Variants in SKOR2 observed in about 807,000 individuals in gnomAD.
SKOR2 encodes SKI family transcriptional corepressor 2, also known as LBX1 corepressor 1-like protein.
Under a neutral mutation model 69.1 loss-of-function variants are expected in SKOR2, and 47 were observed. The observed-to-expected ratio is 0.68, with a 90% confidence interval of 0.54 to 0.87. The LOEUF (loss-of-function observed/expected upper bound fraction) is 0.87, where lower values mean the gene tolerates loss of function less well. Among genes scored for constraint, SKOR2 ranks in the 40% least tolerant of loss-of-function variants. SKOR2 has a pLI of 0.00. For synonymous variants in SKOR2, 717 were observed against 672.6 expected, an observed-to-expected ratio of 1.07 and a Z score of -1.02; for missense variants, 1,404 against 1,472.2, an observed-to-expected ratio of 0.95 and a Z score of 0.76.
chr18:47,207,744 T>A (rs1166479311), intron 8 of SKOR2, among the ~76,000 whole-genome samples: 1 of 152,210 alleles, frequency 6.6e-6, no homozygotes, highest in Non-Finnish European at 1.5e-5. Context: ...ATATCCTTTT[T>A]TAAAAGACTC....
intron 1 of SKOR2, among the ~76,000 whole-genome samples, chr18:47,250,654 C>T (rs1249754723): frequency 2.0e-5 from 3 of 152,216 alleles, no homozygotes; most frequent in African/African-American, 7.2e-5. Flanking sequence ...ATCTATACAG[C>T]AGCCTCTGTC....
intron 8 of SKOR2, among the ~76,000 whole-genome samples, chr18:47,207,860 C>T (rs1379008135): frequency 6.6e-6 from 1 of 152,124 alleles, no homozygotes; most frequent in Non-Finnish European, 1.5e-5. Flanking sequence ...TCCAGACTCT[C>T]CAGAAAGATG....
rs1208076014 is a variant in SKOR2 at position 47,247,375 on chromosome 18, G to A, written c.1809C>T (p.His603=). Residue 603 remains histidine (H), a synonymous_variant, in exon 2 of 9, where the codon CAC becomes CAT. Coordinates refer to ENST00000425639, the MANE Select transcript of SKOR2 (RefSeq NM_001278063.4). This position sits in a 1 kb window ranked among gnomAD's most constrained non-coding sequence, Gnocchi z 6.6. ...TGCGCCCCTCCAGAAGGTGCGGATG[G>A]TGGGGCGCCGGAACCCGGGAGCCCG... The part of the protein sequence containing the change: ...GPAGSRVPAP[H]HPHLLEGRKA... 7 of 1,414,954 alleles carry A rather than the reference G, an allele frequency of 4.9e-6. No individual in the cohort carries two copies. The highest frequency in any genetic ancestry group is 6.4e-6 in the Non-Finnish European group (7 of 1,086,320). 87.6% of individuals were successfully genotyped at this position (1,414,954 alleles called of 1,614,324 possible). A position where few individuals can be genotyped will look rare whatever the true frequency, so the allele number is the denominator to read the frequency against.
At chr18:47,211,846 G>A (rs1291466739) in intron 8 of SKOR2, among the ~76,000 whole-genome samples, 3 of 152,298 alleles carry the variant, frequency 2.0e-5, no homozygotes, top group East Asian at 3.9e-4. Flanking sequence ...GATCACTTTT[G>A]CAGACTGAAT....
Position 47,247,881 on chromosome 18 carries a change from C to T in SKOR2, c.1303G>A (p.Gly435Arg). 2 of 1,363,904 alleles carry T rather than the reference C, an allele frequency of 1.5e-6. No individual in the cohort carries two copies. The highest frequency in any genetic ancestry group is 1.9e-6 in the Non-Finnish European group (2 of 1,067,056). The allele number at this position is 1,363,904 out of a possible 1,614,324, so 84.5% of individuals were successfully genotyped here. ...EDAGAAAEAL[G>R]GAGAGGAGAA... ...CCCGCGCCGCCTGCGCCCGCGCCCC[C>T]CAGGGCCTCAGCGGCGGCACCCGCA... Residue 435 changes from glycine (G) to arginine (R), a missense_variant, in exon 2 of 9, where the codon GGG becomes AGG. Gly to Arg is a moderately radical substitution (Grantham distance 125). This residue lies in a region of SKOR2 where 1,266 missense variants were observed against 1,309.9 expected (regional missense o/e 0.97). Transcript: ENST00000425639. The surrounding 1 kb of genome is among the most constrained non-coding windows in gnomAD (Gnocchi z 6.6).
Position 47,238,786 on chromosome 18 carries a change from CA to C in SKOR2, c.2752+6121del, listed in dbSNP as rs555278264. ...TGCTAGCTGTGTCTGTGTTCTGCTG[CA>C]GGGGAGCACACCCTAGAAGAGAAGC... On this transcript the variant is annotated intron_variant, in intron 4 of 8. Coordinates refer to ENST00000425639, the MANE Select transcript of SKOR2 (RefSeq NM_001278063.4). 3.0e-3 allele frequency among the ~76,000 whole-genome samples: 462 copies of C among 152,324 alleles called. 2 individuals carry two copies. The highest frequency in any genetic ancestry group is 4.9e-3 in the Non-Finnish European group (332 of 68,030).
chr18:47,217,556 G>A (rs1401338257), intron 7 of SKOR2, among the ~76,000 whole-genome samples: 1 of 152,130 alleles, frequency 6.6e-6, no homozygotes, highest in East Asian at 1.9e-4. Context: ...ACCAAGCCAG[G>A]GAAATTTGGA....
At chr18:47,218,309 G>A (rs763135564) in intron 7 of SKOR2, among the ~76,000 whole-genome samples, 4 of 152,052 alleles carry the variant, frequency 2.6e-5, no homozygotes, top group Non-Finnish European at 5.9e-5. Flanking sequence ...ATGAAAATGG[G>A]CTGGGTGCAG....
At chr18:47,227,418 A>G (rs944891574) in intron 6 of SKOR2, among the ~76,000 whole-genome samples, 2 of 143,186 alleles carry the variant, frequency 1.4e-5, no homozygotes, top group African/African-American at 2.7e-5. Flanking sequence ...GCTCACTGCA[A>G]CCTCTGCCTC....
rs2144475231 is a variant in SKOR2, at chr18:47,212,134, A to G, written c.3003T>C (p.Ser1001=). 1 of 1,231,996 alleles carries G rather than the reference A, an allele frequency of 8.1e-7. No homozygotes were observed. The highest frequency in any genetic ancestry group is 1.6e-5 in the African/African-American group (1 of 64,514). The allele number at this position is 1,231,996 out of a possible 1,614,324, so 76.3% of individuals were successfully genotyped here. A position where few individuals can be genotyped will look rare whatever the true frequency, so the allele number is the denominator to read the frequency against. Residue 1001 remains serine, a synonymous_variant, in exon 8 of 9, where the codon AGT becomes AGC. Coordinates refer to ENST00000425639, the MANE Select transcript of SKOR2 (RefSeq NM_001278063.4). ...QQLQIIPYAA[S]LIRKEKLGAH... is the part of the protein sequence containing the mutation. ...CGCCAAGCTTTTCTTTCCTGATCAA[A>G]CTTGCTGCATAGGGGATCTGTAAGA...
intron 7 of SKOR2, among the ~76,000 whole-genome samples, chr18:47,218,589 CAAAAA>C (rs57860548): frequency 2.3e-5 from 2 of 88,254 alleles, no homozygotes; most frequent in African/African-American, 9.2e-5. Flanking sequence ...GACCCTGTCT[CAAAAA>C]AAAAAAAAAA....
chr18:47,213,840 T>G (rs184833770), intron 7 of SKOR2, among the ~76,000 whole-genome samples: 2 of 152,284 alleles, frequency 1.3e-5, no homozygotes, highest in African/African-American at 4.8e-5. Flanking sequence ...ACCTCTTCTT[T>G]TCACTCTAGG....
rs1368256138 is a variant in SKOR2, at chr18:47,247,013, C to T, written c.2171G>A (p.Cys724Tyr). 2 of 1,490,858 alleles carry T rather than the reference C, an allele frequency of 1.3e-6. No individual in the cohort carries two copies. The highest frequency in any genetic ancestry group is 1.5e-5 in the African/African-American group (1 of 68,516). The allele number at this position is 1,490,858 out of a possible 1,614,324, so 92.4% of individuals were successfully genotyped here. A position where few individuals can be genotyped will look rare whatever the true frequency, so the allele number is the denominator to read the frequency against. The change falls in exon 2 of 9, where the codon TGC becomes TAC. Residue 724 changes from cysteine (C) to tyrosine (Y), a missense_variant. By Grantham distance (194) the Cys-to-Tyr change is radical (BLOSUM62 -2). This residue lies in a region of SKOR2 where 1,266 missense variants were observed against 1,309.9 expected (regional missense o/e 0.97). Coordinates refer to ENST00000425639, the MANE Select transcript of SKOR2 (RefSeq NM_001278063.4). This position sits in a 1 kb window ranked among gnomAD's most constrained non-coding sequence, Gnocchi z 6.6. ...RGLLSPGGTS[C>Y]CYPSEDSSED... Reference sequence around the variant, plus strand: ...GGAGCTGTCCTCGCTGGGGTAGCAGCAGCTGGTTCCCCCGGGAGACAGAAG... The same window carrying T: ...GGAGCTGTCCTCGCTGGGGTAGCAGTAGCTGGTTCCCCCGGGAGACAGAAG...
chr18:47,241,378 C>T (rs999820197), intron 4 of SKOR2, among the ~76,000 whole-genome samples: 2 of 152,180 alleles, frequency 1.3e-5, no homozygotes, highest in African/African-American at 4.8e-5. Context: ...GAATTTCTGA[C>T]ACTTTGCCAA....
intron 6 of SKOR2, among the ~76,000 whole-genome samples, chr18:47,228,204 G>T (rs2064185488): frequency 2.6e-5 from 4 of 152,196 alleles, no homozygotes; most frequent in Admixed American, 2.6e-4. Context: ...CCTCTTTGTG[G>T]TGTATCTAAA....
Position 47,247,558 on chromosome 18 carries a change from G to A in SKOR2, c.1626C>T (p.Ser542=), listed in dbSNP as rs548798079. The change falls in exon 2 of 9, where the codon TCC becomes TCT. Residue 542 remains serine (S), a synonymous_variant. Transcript: ENST00000425639. This position sits in a 1 kb window ranked among gnomAD's most constrained non-coding sequence, Gnocchi z 6.6. ...PPQVVANGPG[S]GPPPPAGGAG... ...CGCCCCCGGCAGGAGGAGGTGGGCC[G>A]GAGCCCGGGCCGTTGGCCACTACCT... 3 of 1,231,554 alleles carry A rather than the reference G, an allele frequency of 2.4e-6. No individual in the cohort carries two copies. The highest frequency in any genetic ancestry group is 3.3e-5 in the East Asian group (1 of 30,258). 76.3% of individuals were successfully genotyped at this position (1,231,554 alleles called of 1,614,324 possible).
intron 6 of SKOR2, among the ~76,000 whole-genome samples, chr18:47,224,460 C>T (rs1211464018): frequency 6.6e-6 from 1 of 152,154 alleles, no homozygotes; most frequent in African/African-American, 2.4e-5. Flanking sequence ...AAGTATCTAG[C>T]CTACATTCCT....
Position 47,226,792 on chromosome 18 carries a change from C to T in SKOR2, c.2917+3667G>A, listed in dbSNP as rs552265350. Among the ~76,000 whole-genome samples the T allele has an allele frequency of 1.4e-4, 22 of 152,306 alleles. 1 individual carries two copies. The highest frequency in any genetic ancestry group is 4.1e-4 in the African/African-American group (17 of 41,570). On this transcript the variant is annotated intron_variant, in intron 6 of 8. Coordinates refer to ENST00000425639, the MANE Select transcript of SKOR2 (RefSeq NM_001278063.4). The stretch of plus-strand genomic sequence containing the variant: ...TTGTCACTATGCTAAGCACTTCATG[C>T]CTTTCACTCATTTAATCCTCTCCAC...
intron 4 of SKOR2, among the ~76,000 whole-genome samples, chr18:47,236,516 G>A (rs759600700): frequency 9.8e-5 from 15 of 152,312 alleles, no homozygotes; most frequent in Non-Finnish European, 4.4e-5. Context: ...ATTAGAGAAG[G>A]GGGTGGGGGG....
Sources: allele counts gnomAD v4.1 joint callset (sites outside exome capture counted in the v4.1 genomes callset), GRCh38; gene constraint gnomAD v4.1.1; regional missense constraint gnomAD v4.1.1; non-coding constraint Gnocchi (gnomAD v3.1); transcripts MANE v1.5; gene names NCBI Gene and HGNC (gene_info 2026-07-23, HGNC 2026-07-21).